EPB41L3: variants seen among roughly 807,000 people sequenced by gnomAD.
EPB41L3 encodes the protein erythrocyte membrane protein band 4.1 like 3.
EPB41L3 carries 57 observed loss-of-function variants against 127.1 expected under a neutral mutation model. The ratio of observed to expected loss-of-function variants is 0.45; its 90% confidence interval spans 0.36 to 0.56. The LOEUF (loss-of-function observed/expected upper bound fraction) is 0.56. Ranked by LOEUF, EPB41L3 falls within the 20% of genes least tolerant of loss-of-function variation. EPB41L3 has a pLI of 0.00. For synonymous variants in EPB41L3, 572 were observed against 549.5 expected (o/e 1.04, Z -0.57); for missense variants, 1,273 against 1,372.2 (o/e 0.93, Z 1.14).
intron 3 of EPB41L3, among the ~76,000 whole-genome samples, chr18:5,446,940 ATAT>A (rs2081560375): frequency 6.6e-6 from 1 of 152,242 alleles, no homozygotes; most frequent in Non-Finnish European, 1.5e-5. Context: ...AAATAACAGC[ATAT>A]TATTTCTGAA....
intron 1 of EPB41L3, among the ~76,000 whole-genome samples, chr18:5,628,659 C>G (rs1568672342): frequency 1.3e-5 from 2 of 152,346 alleles, no homozygotes; most frequent in Admixed American, 1.3e-4. Flanking sequence ...CGAGCCCAGG[C>G]GGCGGCTTCA....
intron 3 of EPB41L3, among the ~76,000 whole-genome samples, chr18:5,568,917 C>A (rs546946107): frequency 1.3e-5 from 2 of 152,182 alleles, no homozygotes; most frequent in African/African-American, 4.8e-5. Context: ...GGGAAGGAAA[C>A]CCAAAACTTT....
chr18:5,393,147 TA>T lies in EPB41L3; in HGVS notation c.*337del. 1 of 276,082 alleles carries T rather than the reference TA, an allele frequency of 3.6e-6. No homozygotes were observed. Among genetic ancestry groups the T allele is most frequent in the Non-Finnish European group, 6.7e-6 (1 of 149,350 alleles). 17.1% of individuals were successfully genotyped at this position (276,082 alleles called of 1,614,324 possible). A position where few individuals can be genotyped will look rare whatever the true frequency, so the allele number is the denominator to read the frequency against. ...TAAACTATGAAAGGCATGAATTGTT[TA>T]TGTGTTACATGAGACCACGGTTTAT... is the stretch of plus-strand genomic sequence containing the variant. On this transcript the variant is annotated 3_prime_UTR_variant, in exon 23 of 23. Coordinates refer to ENST00000341928, the MANE Select transcript of EPB41L3 (RefSeq NM_012307.5).
At chr18:5,441,311 A>T (rs1260745659) in intron 5 of EPB41L3, among the ~76,000 whole-genome samples, 2 of 152,194 alleles carry the variant, frequency 1.3e-5, no homozygotes, top group African/African-American at 4.8e-5. Context: ...TCCTTTTATC[A>T]TTTATATTTT....
In EPB41L3 at chr18:5,582,712, CTT is replaced by C. The variant is rs2094404964; in HGVS notation, c.-306+29626_-306+29627del. 2.0e-5 allele frequency among the ~76,000 whole-genome samples: 3 copies of C among 152,194 alleles called. No individual in the cohort carries two copies. The East Asian group carries it at 5.8e-4, about 29-fold the overall frequency. ...AACTGAGTCCCCTATGGCTAAGTGACTTATTGATTCTACACAAATTGTTTATG... is the reference window on the plus strand; with the variant it reads ...AACTGAGTCCCCTATGGCTAAGTGACATTGATTCTACACAAATTGTTTATG... On this transcript the variant is annotated intron_variant, in intron 3 of 21. Transcript: ENST00000545076.
chr18:5,557,496 C>T (rs1372066746), intron 3 of EPB41L3, among the ~76,000 whole-genome samples: 3 of 152,174 alleles, frequency 2.0e-5, no homozygotes, highest in Non-Finnish European at 4.4e-5. Flanking sequence ...GCAATTCTCC[C>T]ACCTCAGCCT....
At chr18:5,560,360 T>A (rs1388255578) in intron 3 of EPB41L3, among the ~76,000 whole-genome samples, 3 of 152,180 alleles carry the variant, frequency 2.0e-5, no homozygotes, top group African/African-American at 7.2e-5. Context: ...AGAACTCTCA[T>A]CCCTACCATA....
intron 1 of EPB41L3, among the ~76,000 whole-genome samples, chr18:5,499,129 GTTA>G (rs2091487190): frequency 6.6e-6 from 1 of 152,160 alleles, no homozygotes; most frequent in Non-Finnish European, 1.5e-5. Context: ...GGGGATGTTA[GTTA>G]GTCACCTCCC....
intron 1 of EPB41L3, among the ~76,000 whole-genome samples, chr18:5,530,069 T>C (rs1402827346): frequency 6.6e-6 from 1 of 152,090 alleles, no homozygotes; most frequent in Non-Finnish European, 1.5e-5. Context: ...TTCAAAGTAT[T>C]CATTTTTCTC....
intron 2 of EPB41L3, among the ~76,000 whole-genome samples, chr18:5,479,278 C>T (rs146054625): frequency 9.7e-4 from 147 of 152,276 alleles, no homozygotes; most frequent in African/African-American, 3.4e-3. Flanking sequence ...CCTTGGGCTG[C>T]GCCACCACTG....
chr18:5,579,133 A>T (rs1416024071), intron 3 of EPB41L3, among the ~76,000 whole-genome samples: 3 of 152,242 alleles, frequency 2.0e-5, no homozygotes, highest in Non-Finnish European at 4.4e-5. Flanking sequence ...ACAATAAAAA[A>T]TCTCAGAGAA....
chr18:5,435,558 G>A (rs2079647125), intron 6 of EPB41L3, among the ~76,000 whole-genome samples: 1 of 152,162 alleles, frequency 6.6e-6, no homozygotes, highest in Admixed American at 6.5e-5. Context: ...TAGGAGCCAT[G>A]GGCTTTATCC....
intron 16 of EPB41L3, chr18:5,400,624 A>C (rs953897307): frequency 2.1e-6 from 1 of 468,350 alleles, no homozygotes; most frequent in African/African-American, 2.0e-5. Context: ...AGAATTCAGA[A>C]CTTTCAAAAT....
intron 1 of EPB41L3, among the ~76,000 whole-genome samples, chr18:5,500,763 T>C (rs2091672250): frequency 6.6e-6 from 1 of 152,242 alleles, no homozygotes; most frequent in South Asian, 2.1e-4. Context: ...ATGAACAGTC[T>C]GTGTTTCTGC....
chr18:5,466,568 A>G (rs2085030188), intron 3 of EPB41L3, among the ~76,000 whole-genome samples: 1 of 152,182 alleles, frequency 6.6e-6, no homozygotes, highest in South Asian at 2.1e-4. Context: ...CATCACATAC[A>G]CATTTTACAG....
At chr18:5,434,353 G>A (rs1471811712) in intron 6 of EPB41L3, among the ~76,000 whole-genome samples, 1 of 152,138 alleles carries the variant, frequency 6.6e-6, no homozygotes, top group Non-Finnish European at 1.5e-5. Context: ...GAAGCAAGTC[G>A]ACGTTCATAA....
At chr18:5,506,274 T>C (rs932708973) in intron 1 of EPB41L3, among the ~76,000 whole-genome samples, 1 of 152,144 alleles carries the variant, frequency 6.6e-6, no homozygotes, top group Non-Finnish European at 1.5e-5. Flanking sequence ...CTCCAATGAC[T>C]CTGCATTTCC....
chr18:5,461,502 T>C (rs1277476705), intron 3 of EPB41L3, among the ~76,000 whole-genome samples: 2 of 152,210 alleles, frequency 1.3e-5, no homozygotes, highest in East Asian at 1.9e-4. Context: ...GCTGAACAGA[T>C]ACATTCTTAT....
chr18:5,610,977 A>G (rs2094719020), intron 3 of EPB41L3, among the ~76,000 whole-genome samples: 1 of 152,214 alleles, frequency 6.6e-6, no homozygotes, highest in Non-Finnish European at 1.5e-5. Context: ...CTGAGCTTTC[A>G]TGTAAAATAG....
Sources: gnomAD v4.1 joint callset for allele counts (sites outside exome capture counted in the v4.1 genomes callset) on GRCh38, gnomAD v4.1.1 for gene constraint, MANE v1.5 for transcripts, NCBI Gene and HGNC (gene_info 2026-07-23, HGNC 2026-07-21) for gene names.